OXR1: variants seen among roughly 807,000 people sequenced by gnomAD.
OXR1 encodes oxidation resistance 1, also known as oxidation resistance protein 1.
Under a neutral mutation model 104.6 loss-of-function variants are expected in OXR1, and 41 were observed. The observed-to-expected ratio is 0.39, with a 90% CI of 0.31 to 0.51. OXR1 has a LOEUF of 0.51. OXR1 is among the 20% of genes least tolerant of loss of function. OXR1 has a pLI of 0.77. For synonymous variants in OXR1, 348 were observed against 348.4 expected (o/e 1.00, Z 0.01); for missense variants, 955 against 1,031.9 (o/e 0.93, Z 1.02).
At chr8:106,447,806 C>T (rs1373016041) in intron 2 of OXR1, 7 of 1,108,734 alleles carry the variant, frequency 6.3e-6, no homozygotes, top group Non-Finnish European at 8.6e-6. Context: ...ACGGCATATT[C>T]TTTGGGTGAT....
intron 3 of OXR1, among the ~76,000 whole-genome samples, chr8:106,563,878 C>T (rs1816873801): frequency 6.6e-6 from 1 of 152,130 alleles, no homozygotes; most frequent in South Asian, 2.1e-4. Flanking sequence ...CAGCCTACTC[C>T]TGAATGACTA....
intron 2 of OXR1, chr8:106,447,875 G>T (rs1159315896): frequency 3.4e-6 from 5 of 1,483,642 alleles, no homozygotes; most frequent in Non-Finnish European, 4.5e-6. Flanking sequence ...TCTGATACTA[G>T]CCCCACCCCC....
intron 3 of OXR1, among the ~76,000 whole-genome samples, chr8:106,638,436 A>G (rs1823339295): frequency 6.6e-6 from 1 of 152,166 alleles, no homozygotes; most frequent in Non-Finnish European, 1.5e-5. Flanking sequence ...AAGGCATCAG[A>G]ATCACCTAGA....
chr8:106,336,270 T>G (rs1814960080), intron 1 of OXR1, among the ~76,000 whole-genome samples: 1 of 152,200 alleles, frequency 6.6e-6, no homozygotes, highest in Admixed American at 6.5e-5. Flanking sequence ...GTAGCCATTG[T>G]CTGGCACCCC....
At chr8:106,591,335 C>A (rs1819072231) in intron 3 of OXR1, among the ~76,000 whole-genome samples, 2 of 142,872 alleles carry the variant, frequency 1.4e-5, no homozygotes, top group African/African-American at 5.3e-5. Flanking sequence ...AGGAGGTATA[C>A]CTAATGCTAA....
Position 106,658,165 on chromosome 8 carries a change from C to T in OXR1, c.221-21045C>T, listed in dbSNP as rs928635576. The T allele has an allele frequency of 2.6e-4, 325 of 1,243,764 alleles. 2 individuals are homozygous for T. Among genetic ancestry groups the T allele is most frequent in the Non-Finnish European group, 5.9e-5 (58 of 987,914 alleles). The allele number at this position is 1,243,764 out of a possible 1,614,324, so 77.0% of individuals were successfully genotyped here. On this transcript the variant is annotated intron_variant, in intron 3 of 16. Transcript: ENST00000517566. ...TCCCCGCCCCACCGGCCCCCGGCGC[C>T]GTCCAGCCCGGAGGGACCTGGTGAG...
chr8:106,379,537 C>CTTTTTTTTTTTTTTTTTTTTTTTTTTT (rs60855438), intron 2 of OXR1, among the ~76,000 whole-genome samples: 1 of 108,398 alleles, frequency 9.2e-6, no homozygotes, highest in African/African-American at 3.7e-5. Flanking sequence ...TTCTTTCTTT[C>CTTTTTTTTTTTTTTTTTTTTTTTTTTT]TTTTTTTTTT....
intron 11 of OXR1, among the ~76,000 whole-genome samples, chr8:106,724,481 A>G (rs1036783944): frequency 6.6e-6 from 1 of 152,202 alleles, no homozygotes; most frequent in Non-Finnish European, 1.5e-5. Flanking sequence ...AGAAACAGAA[A>G]ACCACACTCA....
intron 3 of OXR1, among the ~76,000 whole-genome samples, chr8:106,636,942 C>G (rs2130919682): frequency 6.6e-6 from 1 of 152,200 alleles, no homozygotes; most frequent in Admixed American, 6.5e-5. Context: ...CTTTATTCTT[C>G]TAGTCACCTA....
chr8:106,614,607 C>T (rs3134142), intron 3 of OXR1, among the ~76,000 whole-genome samples: 2 of 151,930 alleles, frequency 1.3e-5, no homozygotes, highest in Non-Finnish European at 2.9e-5. Flanking sequence ...AGATTGATTT[C>T]GTTTTACAAA....
At chr8:106,274,988 C>T (rs143642085) in intron 1 of OXR1, among the ~76,000 whole-genome samples, 290 of 152,342 alleles carry the variant, frequency 1.9e-3, no homozygotes, top group Admixed American at 3.0e-3. Context: ...GTAGCAGGTT[C>T]TGTTCTAGAC....
Position 106,725,957 on chromosome 8 carries a change from C to T in OXR1, c.1957-11563C>T, listed in dbSNP as rs1833297115. The T allele has an allele frequency of 9.5e-6, 3 of 315,914 alleles. No individual in the cohort carries two copies. The South Asian group carries it at 2.4e-4, about 25-fold the overall frequency. 19.6% of individuals were successfully genotyped at this position (315,914 alleles called of 1,614,324 possible). Reference sequence around the variant, plus strand: ...GAAATATAGGCTCTGTGTCTTTAAACTTTTGAGCCCTTTCTTTGCACATTT... The same window carrying T: ...GAAATATAGGCTCTGTGTCTTTAAATTTTTGAGCCCTTTCTTTGCACATTT... On this transcript the variant is annotated intron_variant, in intron 11 of 16. Coordinates refer to ENST00000517566, the MANE Select transcript of OXR1 (RefSeq NM_001198533.2).
At position 106,560,112 on chromosome 8, in the gene OXR1, A is replaced by G. The variant is rs147529770; in HGVS notation, c.220+40973A>G. ...TAATATGGAGAAAGCTAGAGGAAAT[A>G]TAGTAATATGAAGAAATCTCTGGGG... is the stretch of plus-strand genomic sequence containing the variant. On this transcript the variant is annotated intron_variant, in intron 3 of 16. Coordinates refer to ENST00000517566, the MANE Select transcript of OXR1 (RefSeq NM_001198533.2). Among the ~76,000 whole-genome samples the G allele has an allele frequency of 5.7e-4, 87 of 152,324 alleles. No individual in the cohort carries two copies. The East Asian group carries it at 0.013, about 22-fold the overall frequency.
intron 7 of OXR1, among the ~76,000 whole-genome samples, chr8:106,698,565 A>G (rs920337514): frequency 2.0e-5 from 3 of 152,030 alleles, no homozygotes; most frequent in Non-Finnish European, 2.9e-5. Flanking sequence ...CAGCTCCCTC[A>G]TACTCCATTC....
intron 2 of OXR1, among the ~76,000 whole-genome samples, chr8:106,463,980 C>T (rs967074024): frequency 6.6e-6 from 1 of 152,042 alleles, no homozygotes; most frequent in Non-Finnish European, 1.5e-5. Flanking sequence ...AACTACAGAT[C>T]GTTCCAATTG....
intron 3 of OXR1, among the ~76,000 whole-genome samples, chr8:106,546,536 T>A (rs1195322653): frequency 1.3e-5 from 2 of 152,142 alleles, no homozygotes; most frequent in Non-Finnish European, 2.9e-5. Context: ...CAAAGATGAT[T>A]TTGAGACCTT....
At chr8:106,384,431 C>T (rs1002591594) in intron 2 of OXR1, among the ~76,000 whole-genome samples, 3 of 152,100 alleles carry the variant, frequency 2.0e-5, no homozygotes, top group Admixed American at 1.3e-4. Context: ...AAGCAGTTGC[C>T]GGTCCTTGAC....
chr8:106,723,105 C>T (rs1223066021), intron 11 of OXR1, among the ~76,000 whole-genome samples: 1 of 152,004 alleles, frequency 6.6e-6, no homozygotes. Context: ...CCTGTAATCC[C>T]AGCATTTTGG....
chr8:106,739,554 G>A lies in OXR1; in HGVS notation c.2134G>A (p.Glu712Lys). Reference protein sequence around the residue: ...SFRPNLSDPSELLLPDQIEKL... With the variant: ...SFRPNLSDPSKLLLPDQIEKL... ...TCGACCAAACCTAAGTGATCCCAGT[G>A]AACTTTTACTGCCAGATCAAATTGA... Residue 712 changes from glutamate (E) to lysine (K), a missense_variant, in exon 13 of 17, where the codon GAA (glutamate) becomes AAA (lysine). By Grantham distance (56) the Glu-to-Lys change is moderately conservative. Transcript: ENST00000517566. The A allele has an allele frequency of 6.2e-7, 1 of 1,613,418 alleles. No homozygotes were observed. The highest frequency in any genetic ancestry group is 1.1e-5 in the South Asian group (1 of 91,060).
Sources: gnomAD v4.1 joint callset for allele counts (sites outside exome capture counted in the v4.1 genomes callset) on GRCh38, gnomAD v4.1.1 for gene constraint, MANE v1.5 for transcripts, NCBI Gene and HGNC (gene_info 2026-07-23, HGNC 2026-07-21) for gene names.